Variants in EBF1 observed in about 807,000 individuals in gnomAD.
EBF1 encodes the protein transcription factor COE1.
In EBF1, 10 loss-of-function variants were observed where a neutral mutation model predicts 68.4. The observed-to-expected ratio is 0.15, with a 90% CI of 0.09 to 0.25. The LOEUF (loss-of-function observed/expected upper bound fraction) is 0.25. EBF1 is among the 10% of genes least tolerant of loss of function. EBF1 has a pLI of 1.00. For missense variants in EBF1, 509 were observed against 794.4 expected (o/e 0.64, Z 4.32); for synonymous variants, 298 against 299.8 (o/e 0.99, Z 0.06).
chr5:158,760,455 A>G (rs1245719485), intron 10 of EBF1, among the ~76,000 whole-genome samples: 1 of 152,184 alleles, frequency 6.6e-6, no homozygotes, highest in Non-Finnish European at 1.5e-5. Flanking sequence ...GTCATTAGCT[A>G]CTATAAGGCA....
intron 6 of EBF1, among the ~76,000 whole-genome samples, chr5:158,951,779 G>A (rs139617149): frequency 6.6e-6 from 1 of 152,238 alleles, no homozygotes; most frequent in East Asian, 1.9e-4. Context: ...TATCCACTAC[G>A]AAGAGTATCC....
At chr5:158,849,111 AT>A (rs1274807819) in intron 6 of EBF1, among the ~76,000 whole-genome samples, 5 of 152,258 alleles carry the variant, frequency 3.3e-5, no homozygotes, top group Non-Finnish European at 5.9e-5. Flanking sequence ...AACTCTTTAC[AT>A]TCAAATTCCC....
chr5:158,722,913 C>T (rs948476478), intron 11 of EBF1, among the ~76,000 whole-genome samples: 1 of 152,062 alleles, frequency 6.6e-6, no homozygotes, highest in Non-Finnish European at 1.5e-5. Flanking sequence ...AATGAGTTTG[C>T]CTCTTGGTTC....
intron 9 of EBF1, among the ~76,000 whole-genome samples, chr5:158,781,125 T>C (rs1466158796): frequency 2.0e-5 from 3 of 152,224 alleles, no homozygotes; most frequent in African/African-American, 7.2e-5. Context: ...AGCACTTTCA[T>C]GTTCACTAAT....
chr5:159,095,643 G>T lies in EBF1; in HGVS notation c.388C>A (p.Leu130Ile). The T allele has an allele frequency of 6.2e-7, 1 of 1,614,068 alleles. No homozygotes were observed. Among genetic ancestry groups the T allele is most frequent in the Non-Finnish European group, 8.5e-7 (1 of 1,179,928 alleles). The change falls in exon 4 of 16, where the codon CTC becomes ATC. Residue 130 changes from leucine to isoleucine, a missense_variant. Transcript: ENST00000313708. The stretch of plus-strand genomic sequence containing the variant: ...ACTTGTTTTGTCATGGAGTCAATGA[G>T]GCGCACGTAGAAATCCTGCTCCGTC... ...IRTEQDFYVR[L>I]IDSMTKQAIV...
At chr5:159,050,729 T>G (rs1381390223) in intron 6 of EBF1, among the ~76,000 whole-genome samples, 1 of 152,206 alleles carries the variant, frequency 6.6e-6, no homozygotes, top group Non-Finnish European at 1.5e-5. Flanking sequence ...CTGGCTGGGT[T>G]CAGCCAGGAG....
At chr5:158,776,879 T>G (rs1775398692) in intron 10 of EBF1, among the ~76,000 whole-genome samples, 1 of 152,152 alleles carries the variant, frequency 6.6e-6, no homozygotes, top group African/African-American at 2.4e-5. Flanking sequence ...GGGAGGGAAT[T>G]CACATTCACT....
At chr5:159,046,978 C>T (rs1196007625) in intron 6 of EBF1, among the ~76,000 whole-genome samples, 1 of 152,252 alleles carries the variant, frequency 6.6e-6, no homozygotes, top group Non-Finnish European at 1.5e-5. Context: ...GTACCCTCCA[C>T]AGCCACAAGC....
chr5:158,870,536 C>T (rs2128057969), intron 6 of EBF1, among the ~76,000 whole-genome samples: 1 of 152,108 alleles, frequency 6.6e-6, no homozygotes. Flanking sequence ...ATTAGCTGGG[C>T]ACTGTGGTAC....
Position 158,699,151 on chromosome 5 carries a change from G to T in EBF1, c.1745-9C>A, listed in dbSNP as rs764672629. ...AATCATGCCAGATATCGCTATGAAA[G>T]AAAAGACAGAAGTCAATGGTTTCTT... On this transcript the variant is annotated splice_polypyrimidine_tract_variant and intron_variant, in intron 15 of 15. Coordinates refer to ENST00000313708, the MANE Select transcript of EBF1 (RefSeq NM_024007.5). The T allele has an allele frequency of 3.8e-6, 6 of 1,596,598 alleles. No individual in the cohort carries two copies. Among genetic ancestry groups the T allele is most frequent in the Admixed American group, 1.7e-5 (1 of 58,526 alleles).
chr5:158,834,168 A>T (rs1788207951), intron 7 of EBF1, among the ~76,000 whole-genome samples: 1 of 152,202 alleles, frequency 6.6e-6, no homozygotes, highest in African/African-American at 2.4e-5. Flanking sequence ...TCATTCTGCC[A>T]GTCCCCAAAA....
At chr5:158,846,933 G>T (rs1180267989) in intron 6 of EBF1, among the ~76,000 whole-genome samples, 1 of 152,204 alleles carries the variant, frequency 6.6e-6, no homozygotes, top group East Asian at 1.9e-4. Context: ...ATCCTGGAGG[G>T]AATTCTGCAC....
intron 6 of EBF1, among the ~76,000 whole-genome samples, chr5:158,866,710 A>T (rs898827914): frequency 6.6e-6 from 1 of 151,560 alleles, no homozygotes; most frequent in Admixed American, 6.6e-5. Context: ...TGTCGCCGTT[A>T]ACAAATGATG....
intron 4 of EBF1, among the ~76,000 whole-genome samples, chr5:159,093,960 G>A (rs1163656061): frequency 6.8e-6 from 1 of 147,298 alleles, no homozygotes; most frequent in African/African-American, 2.5e-5. Context: ...TACACATAGA[G>A]TATGTCTTAG....
chr5:158,969,900 GAAAGAAAGAAAGAAAGA>G (rs1583556938), intron 6 of EBF1, among the ~76,000 whole-genome samples: 60 of 107,212 alleles, frequency 5.6e-4, no homozygotes, highest in African/African-American at 1.3e-3. Flanking sequence ...AAGAAAGAAA[GAAAGAAAGAAAGAAAGA>G]AAAAAAAAAA....
chr5:158,840,147 T>C (rs766000376), intron 6 of EBF1, 37 bp from the exon 7 acceptor site: 65 of 1,548,842 alleles, frequency 4.2e-5, no homozygotes, highest in Non-Finnish European at 5.8e-5. Context: ...AGCATTTCGG[T>C]TTCTGACACG....
intron 1 of EBF1, 106 bp from the exon 2 acceptor site, chr5:159,097,236 C>T: frequency 1.5e-6 from 2 of 1,314,018 alleles, no homozygotes; most frequent in East Asian, 5.1e-5. Context: ...TCCTCTTCCC[C>T]CAAAACATCC....
At chr5:158,940,965 T>C (rs1813220529) in intron 6 of EBF1, among the ~76,000 whole-genome samples, 1 of 152,080 alleles carries the variant, frequency 6.6e-6, no homozygotes, top group African/African-American at 2.4e-5. Context: ...TGACAGCTTT[T>C]TGTGAGAAGT....
chr5:158,922,521 GAATT>G lies in EBF1; in HGVS notation c.555-82415_555-82412del, dbSNP rs1468656706. On this transcript the variant is annotated intron_variant, in intron 6 of 15. Coordinates refer to ENST00000313708, the MANE Select transcript of EBF1 (RefSeq NM_024007.5). ...TCCAGAATTTTGTGGATAACAAAGA[GAATT>G]AATGCATCACTCTAGAAATTAGCAC... 3.3e-5 allele frequency among the ~76,000 whole-genome samples: 5 copies of G among 152,190 alleles called. 1 individual carries two copies. Among genetic ancestry groups the G allele is most frequent in the South Asian group, 4.1e-4 (2 of 4,832 alleles).
Sources: allele counts gnomAD v4.1 joint callset (sites outside exome capture counted in the v4.1 genomes callset), GRCh38; gene constraint gnomAD v4.1.1; transcripts MANE v1.5; gene names NCBI Gene and HGNC (gene_info 2026-07-23, HGNC 2026-07-21).